The following ASXL1 variants were observed in gnomAD, a reference collection of about 807,000 sequenced individuals.
The protein encoded by ASXL1 is polycomb group protein ASXL1.
A neutral mutation model predicts 89.1 loss-of-function variants in ASXL1; 65 were observed. The ratio of observed to expected loss-of-function variants is 0.73; its 90% CI spans 0.60 to 0.90. ASXL1 has a LOEUF of 0.90. Among genes scored for constraint, ASXL1 ranks in the 40% least tolerant of loss-of-function variants. The pLI, the probability that ASXL1 is intolerant of heterozygous loss-of-function variation, is 0.00. For missense variants in ASXL1, 1,786 were observed against 1,942.9 expected (o/e 0.92, Z 1.52); for synonymous variants, 739 against 746.9 (o/e 0.99, Z 0.17).
At chr20:32,415,492 A>G (rs979449793) in intron 4 of ASXL1, among the ~76,000 whole-genome samples, 2 of 152,182 alleles carry the variant, frequency 1.3e-5, no homozygotes, top group Admixed American at 6.5e-5. Flanking sequence ...AGGGACAGGA[A>G]GGAGACCTGA....
intron 8 of ASXL1, chr20:32,430,939 A>G (rs145343356): frequency 1.2e-4 from 55 of 447,672 alleles, no homozygotes; most frequent in African/African-American, 9.6e-4. Context: ...ATTTTTCTAT[A>G]GTATACTAAC....
In ASXL1 at chr20:32,436,243, T is replaced by C. The variant is rs754099923; in HGVS notation, c.3531T>C (p.Leu1177=). 6.2e-7 allele frequency: 1 copy of C among 1,614,236 alleles called. No homozygotes were observed. The highest frequency in any genetic ancestry group is 8.5e-7 in the Non-Finnish European group (1 of 1,180,044). Residue 1177 remains leucine (L), a synonymous_variant, in exon 13 of 13, where the codon CTT becomes CTC. Coordinates refer to ENST00000375687, the MANE Select transcript of ASXL1 (RefSeq NM_015338.6). ...PSSLRALKEP[L]LPDSCETGTG... ...CTTTAAGGGCTTTGAAGGAGCCTCT[T>C]CTGCCAGATAGCTGTGAAACAGGCA...
chr20:32,435,943 A>G lies in ASXL1; in HGVS notation c.3231A>G (p.Pro1077=). ...TATGTGCGGTCCGCCAAAAGATCCC[A>G]GATTCCCTACTGCTGGCCAGTACTG... ...SRVCAVRQKI[P]DSLLLASTEY... The change falls in exon 13 of 13, where the codon CCA becomes CCG. Residue 1077 remains proline, a synonymous_variant. Transcript: ENST00000375687. 1 of 1,614,206 alleles carries G rather than the reference A, an allele frequency of 6.2e-7. No homozygotes were observed. The highest frequency in any genetic ancestry group is 8.5e-7 in the Non-Finnish European group (1 of 1,180,040).
At chr20:32,359,679 A>C in intron 1 of ASXL1, 1 of 717,766 alleles carries the variant, frequency 1.4e-6, no homozygotes, top group Non-Finnish European at 2.6e-6. Flanking sequence ...CTGTTGGGAG[A>C]CGTTGTTCAC....
intron 4 of ASXL1, among the ~76,000 whole-genome samples, chr20:32,418,255 C>G (rs1408369341): frequency 6.6e-6 from 1 of 151,918 alleles, no homozygotes; most frequent in East Asian, 1.9e-4. Context: ...GCCTCTAGTT[C>G]CAGCTACTTG....
chr20:32,397,185 AAGGGG>A (rs1297057229), intron 4 of ASXL1, among the ~76,000 whole-genome samples: 1 of 130,580 alleles, frequency 7.7e-6, no homozygotes, highest in Non-Finnish European at 1.6e-5. Context: ...GCTGGGATTA[AAGGGG>A]TAAGCCCCCA....
At position 32,428,123 on chromosome 20, in the gene ASXL1, C is replaced by T; in HGVS notation, c.253-5C>T. On this transcript the variant is annotated splice_region_variant and splice_polypyrimidine_tract_variant and intron_variant, in intron 4 of 12. Transcript: ENST00000375687. Reference sequence around the variant, plus strand: ...GTTCACCTGAGTTGTACCTTGCTGTCACAGAAGGATGCCCTGCAGTGGTCT... The same window carrying T: ...GTTCACCTGAGTTGTACCTTGCTGTTACAGAAGGATGCCCTGCAGTGGTCT... 2 of 1,613,038 alleles carry T rather than the reference C, an allele frequency of 1.2e-6. No homozygotes were observed. Among genetic ancestry groups the T allele is most frequent in the South Asian group, 2.2e-5 (2 of 90,978 alleles).
chr20:32,392,527 G>A (rs991493652), intron 4 of ASXL1, among the ~76,000 whole-genome samples: 4 of 145,766 alleles, frequency 2.7e-5, no homozygotes, highest in African/African-American at 9.9e-5. Context: ...TGATCTGCCC[G>A]CCTCGGCCTC....
chr20:32,388,912 G>A (rs951707795), intron 4 of ASXL1, among the ~76,000 whole-genome samples: 1 of 152,070 alleles, frequency 6.6e-6, no homozygotes, highest in Admixed American at 6.6e-5. Context: ...TGTATATACA[G>A]AGTTTGTGTT....
intron 4 of ASXL1, among the ~76,000 whole-genome samples, chr20:32,425,780 C>G (rs553727739): frequency 6.6e-6 from 1 of 152,132 alleles, no homozygotes; most frequent in Non-Finnish European, 1.5e-5. Context: ...AATCTTGGCT[C>G]ACTAACCTCT....
chr20:32,377,938 C>G (rs531527102), intron 4 of ASXL1, among the ~76,000 whole-genome samples: 2 of 143,700 alleles, frequency 1.4e-5, no homozygotes, highest in East Asian at 4.5e-4. Flanking sequence ...CAGGTGTGAA[C>G]CACCGCACCT....
rs2145401102 is a variant in ASXL1, at chr20:32,438,029, A to G, written c.*691A>G. The G allele has an allele frequency of 4.3e-6, 1 of 233,966 alleles. No individual in the cohort carries two copies. Among genetic ancestry groups the G allele is most frequent in the East Asian group, 6.0e-5 (1 of 16,570 alleles). 14.5% of individuals were successfully genotyped at this position (233,966 alleles called of 1,614,324 possible). On this transcript the variant is annotated 3_prime_UTR_variant, in exon 13 of 13. Transcript: ENST00000375687. Reference sequence around the variant, plus strand: ...GTTGGGGAATAGGGTTGTCTTTCCTATGAAAATGCCATCTGTAGACCTTGT... The same window carrying G: ...GTTGGGGAATAGGGTTGTCTTTCCTGTGAAAATGCCATCTGTAGACCTTGT...
rs1008390971 is a variant in ASXL1, at chr20:32,434,638, A to T, written c.1926A>T (p.Gly642=). Reference sequence around the variant, plus strand: ...GAGAGGCGGCCACCACTGCCATCGGAGGGGGGGGTGGCCCGGGTGGAGGTG... The same window carrying T: ...GAGAGGCGGCCACCACTGCCATCGGTGGGGGGGGTGGCCCGGGTGGAGGTG... The part of the protein sequence containing the change: ...CHREAATTAI[G]GGGGPGGGGG... Residue 642 remains glycine (G), a synonymous_variant, in exon 13 of 13, where the codon GGA becomes GGT. Coordinates refer to ENST00000375687, the MANE Select transcript of ASXL1 (RefSeq NM_015338.6). 1.9e-5 allele frequency: 31 copies of T among 1,602,844 alleles called. No homozygotes were observed. Among genetic ancestry groups the T allele is most frequent in the Non-Finnish European group, 2.5e-5 (29 of 1,174,604 alleles).
chr20:32,424,133 A>G (rs1372689442), intron 4 of ASXL1, among the ~76,000 whole-genome samples: 1 of 152,216 alleles, frequency 6.6e-6, no homozygotes, highest in Admixed American at 6.5e-5. Flanking sequence ...TAAAGCATTT[A>G]ACACCTAATT....
At position 32,435,569 on chromosome 20, in the gene ASXL1, C is replaced by T. The variant is rs759572953; in HGVS notation, c.2857C>T (p.Leu953Phe). Residue 953 changes from leucine (L) to phenylalanine (F), a missense_variant, in exon 13 of 13, where the codon CTT becomes TTT. Physicochemically the swap from Leu to Phe is conservative, Grantham distance 22. Coordinates refer to ENST00000375687, the MANE Select transcript of ASXL1 (RefSeq NM_015338.6). The part of the protein sequence containing the change: ...DLTAEEGLDP[L>F]DSLTSLWTVP... ...GACAGCTGAGGAGGGTCTAGATCCT[C>T]TTGACAGCCTTACTTCACTCTGGAC... is the stretch of plus-strand genomic sequence containing the variant. 2 of 1,614,092 alleles carry T rather than the reference C, an allele frequency of 1.2e-6. No homozygotes were observed. Among genetic ancestry groups the T allele is most frequent in the East Asian group, 2.2e-5 (1 of 44,874 alleles).
chr20:32,423,160 T>C (rs961301139), intron 4 of ASXL1, among the ~76,000 whole-genome samples: 2 of 152,154 alleles, frequency 1.3e-5, no homozygotes, highest in Non-Finnish European at 2.9e-5. Flanking sequence ...AATTGTAGAA[T>C]TGGCCTGTAA....
intron 4 of ASXL1, among the ~76,000 whole-genome samples, chr20:32,376,558 G>A (rs2048381703): frequency 6.6e-6 from 1 of 151,846 alleles, no homozygotes; most frequent in Admixed American, 6.6e-5. Flanking sequence ...TTACAGGCGT[G>A]AGCCACCACA....
Position 32,365,893 on chromosome 20 carries a change from A to G in ASXL1, c.58-491A>G, listed in dbSNP as rs139247532. 6.6e-5 allele frequency among the ~76,000 whole-genome samples: 10 copies of G among 152,306 alleles called. No individual in the cohort carries two copies. The East Asian group carries it at 1.9e-3, about 29-fold the overall frequency. ...CGTGGTGGCTCACTTCTATAATCCCAGCACTTTAGGAGGCTGAGGCGGGCA... is the reference window on the plus strand; with the variant it reads ...CGTGGTGGCTCACTTCTATAATCCCGGCACTTTAGGAGGCTGAGGCGGGCA... On this transcript the variant is annotated intron_variant, in intron 1 of 12. Coordinates refer to ENST00000375687, the MANE Select transcript of ASXL1 (RefSeq NM_015338.6).
In ASXL1 at chr20:32,434,991, AGGCCTTGCCCC is replaced by A; in HGVS notation, c.2280_2290del (p.Gln760HisfsTer10). 1 of 1,614,186 alleles carries A rather than the reference AGGCCTTGCCCC, an allele frequency of 6.2e-7. No individual in the cohort carries two copies. The highest frequency in any genetic ancestry group is 8.5e-7 in the Non-Finnish European group (1 of 1,180,030). On this transcript the variant is annotated frameshift_variant, in exon 13 of 13. Coordinates refer to ENST00000375687, the MANE Select transcript of ASXL1 (RefSeq NM_015338.6). LOFTEE classifies it low-confidence loss of function (END_TRUNC). ...GCTCCCACTGGGGACCAGCCATGCCAGGCCTTGCCCCTACTGTCCTCCCAAACCTCAGTAGC... is the reference window on the plus strand; with the variant it reads ...GCTCCCACTGGGGACCAGCCATGCCATACTGTCCTCCCAAACCTCAGTAGC...
Sources: gnomAD v4.1 joint callset for allele counts (sites outside exome capture counted in the v4.1 genomes callset) on GRCh38, gnomAD v4.1.1 for gene constraint, MANE v1.5 for transcripts, NCBI Gene and HGNC (gene_info 2026-07-23, HGNC 2026-07-21) for gene names.